Variants in CCSER1 observed in about 807,000 individuals in gnomAD.
The protein encoded by CCSER1 is coiled-coil serine rich protein 1.
In CCSER1, 41 loss-of-function variants were observed where a neutral mutation model predicts 82.0. That is an observed-to-expected ratio of 0.50 (90% CI 0.39 to 0.65). CCSER1 has a LOEUF of 0.65. CCSER1 is among the 30% of genes least tolerant of loss of function. The pLI, the probability that CCSER1 is intolerant of heterozygous loss-of-function variation, is 0.00. For synonymous variants in CCSER1, 414 were observed against 383.9 expected (o/e 1.08, Z -0.92); for missense variants, 1,119 against 1,064.2 (o/e 1.05, Z -0.72).
intron 10 of CCSER1, among the ~76,000 whole-genome samples, chr4:91,557,004 A>G (rs1762436513): frequency 6.6e-6 from 1 of 151,008 alleles, no homozygotes; most frequent in African/African-American, 2.4e-5. Context: ...CTTTATCCCT[A>G]CTGGCTCTAT....
intron 6 of CCSER1, among the ~76,000 whole-genome samples, chr4:90,665,923 C>CT (rs1356273056): frequency 6.6e-6 from 1 of 152,004 alleles, no homozygotes; most frequent in African/African-American, 2.4e-5. Context: ...AAAAGGGACT[C>CT]TGTTTCCATG....
chr4:90,458,353 C>A (rs1762446717), intron 4 of CCSER1, among the ~76,000 whole-genome samples: 1 of 150,892 alleles, frequency 6.6e-6, no homozygotes, highest in Non-Finnish European at 1.5e-5. Context: ...GAGTCTGCCA[C>A]AATAAGTTTT....
intron 5 of CCSER1, among the ~76,000 whole-genome samples, chr4:90,624,063 T>A (rs987951664): frequency 2.6e-5 from 4 of 152,216 alleles, no homozygotes; most frequent in African/African-American, 9.6e-5. Context: ...TGGAAGGCAG[T>A]TGTGTGCATA....
intron 10 of CCSER1, among the ~76,000 whole-genome samples, chr4:91,506,440 G>C (rs1216126474): frequency 6.6e-6 from 1 of 151,724 alleles, no homozygotes; most frequent in Admixed American, 6.6e-5. Context: ...GCTATTTTTT[G>C]GTTCCATATG....
rs557294813 is a variant in CCSER1, at chr4:91,450,648, C to CA, written c.2218-147923dup. Among the ~76,000 whole-genome samples the CA allele has an allele frequency of 1.1e-4, 17 of 151,938 alleles. 1 individual carries two copies. The South Asian group carries it at 2.9e-3, about 26-fold the overall frequency. On this transcript the variant is annotated intron_variant, in intron 10 of 10. Transcript: ENST00000509176. ...TCAGTTATCTCCTTCATTGAGGAGACAGAGTATTTGGGGAGTTAGTTAAGG... is the reference window on the plus strand; with the variant it reads ...TCAGTTATCTCCTTCATTGAGGAGACAAGAGTATTTGGGGAGTTAGTTAAGG...
intron 10 of CCSER1, among the ~76,000 whole-genome samples, chr4:91,216,662 C>T (rs965778066): frequency 6.6e-6 from 1 of 152,054 alleles, no homozygotes; most frequent in Non-Finnish European, 1.5e-5. Context: ...AGAGACTTTC[C>T]CTTAGCAGTC....
At chr4:91,164,844 A>T (rs963419998) in intron 10 of CCSER1, among the ~76,000 whole-genome samples, 1 of 152,068 alleles carries the variant, frequency 6.6e-6, no homozygotes, top group Non-Finnish European at 1.5e-5. Context: ...ATTATTTTCA[A>T]TGTTTTTAGC....
At chr4:90,277,062 T>C (rs1452545230) in intron 1 of CCSER1, among the ~76,000 whole-genome samples, 1 of 152,130 alleles carries the variant, frequency 6.6e-6, no homozygotes, top group Non-Finnish European at 1.5e-5. Flanking sequence ...ATAGTTTGAC[T>C]TATTTGGATG....
At chr4:90,776,434 C>G (rs1752902147) in intron 7 of CCSER1, among the ~76,000 whole-genome samples, 1 of 152,184 alleles carries the variant, frequency 6.6e-6, no homozygotes, top group Non-Finnish European at 1.5e-5. Context: ...ACAGCTCAAA[C>G]TGACCTTGTT....
intron 10 of CCSER1, among the ~76,000 whole-genome samples, chr4:91,146,478 A>G (rs1729550144): frequency 6.6e-6 from 1 of 152,182 alleles, no homozygotes; most frequent in African/African-American, 2.4e-5. Context: ...CAATTTTTGC[A>G]GGTAAGGAAT....
chr4:90,578,604 C>T (rs561896319), intron 5 of CCSER1, among the ~76,000 whole-genome samples: 1 of 152,274 alleles, frequency 6.6e-6, no homozygotes, highest in Admixed American at 6.5e-5. Flanking sequence ...TTGGACCTCT[C>T]CAATATCCAG....
intron 7 of CCSER1, among the ~76,000 whole-genome samples, chr4:90,786,946 CTT>C (rs1754597621): frequency 6.6e-6 from 1 of 152,186 alleles, no homozygotes; most frequent in African/African-American, 2.4e-5. Flanking sequence ...GTTGGATTAA[CTT>C]TCTGGAGTGG....
At chr4:90,265,093 G>A (rs1471293533) in intron 1 of CCSER1, among the ~76,000 whole-genome samples, 2 of 151,574 alleles carry the variant, frequency 1.3e-5, no homozygotes, top group Non-Finnish European at 2.9e-5. Flanking sequence ...TTAATTTTGC[G>A]AGATACAGAC....
intron 10 of CCSER1, among the ~76,000 whole-genome samples, chr4:91,141,931 C>T (rs1454470941): frequency 2.6e-5 from 4 of 152,096 alleles, no homozygotes. Flanking sequence ...TGAGAAGTGT[C>T]TGTTCATATC....
intron 3 of CCSER1, among the ~76,000 whole-genome samples, chr4:90,346,373 A>G (rs1191660169): frequency 2.1e-5 from 3 of 141,270 alleles, no homozygotes; most frequent in Non-Finnish European, 4.7e-5. Flanking sequence ...TTGCAGTAAA[A>G]TTATGGTAAT....
chr4:91,288,148 GTA>G (rs36157572), intron 10 of CCSER1, among the ~76,000 whole-genome samples: 12 of 101,738 alleles, frequency 1.2e-4, no homozygotes, highest in East Asian at 3.3e-4. Context: ...ATATACACTC[GTA>G]TATATATATA....
At position 91,603,584 on chromosome 4, in the gene CCSER1, T is replaced by C. The variant is rs527993955; in HGVS notation, c.*4527T>C. 1.1e-4 allele frequency: 16 copies of C among 152,244 alleles called. No homozygotes were observed. The highest frequency in any genetic ancestry group is 3.6e-4 in the African/African-American group (15 of 41,550). 9.4% of individuals were successfully genotyped at this position (152,244 alleles called of 1,614,324 possible). A position where few individuals can be genotyped will look rare whatever the true frequency, so the allele number is the denominator to read the frequency against. On this transcript the variant is annotated 3_prime_UTR_variant, in exon 11 of 11. Coordinates refer to ENST00000509176, the MANE Select transcript of CCSER1 (RefSeq NM_001145065.2). The stretch of plus-strand genomic sequence containing the variant: ...GGATACCACGGTTCTTTTTAGAGCA[T>C]TTTCAGTGTAGCCTCATTAACTTCT...
chr4:91,027,831 T>A (rs1561483345), intron 9 of CCSER1, among the ~76,000 whole-genome samples: 1 of 152,044 alleles, frequency 6.6e-6, no homozygotes, highest in African/African-American at 2.4e-5. Context: ...TCAATATACA[T>A]GTCAAACCAC....
intron 10 of CCSER1, among the ~76,000 whole-genome samples, chr4:91,520,871 CATTTT>C (rs1760422704): frequency 1.3e-5 from 2 of 151,954 alleles, no homozygotes; most frequent in African/African-American, 4.8e-5. Context: ...GCTCTAAGTT[CATTTT>C]ATTTTTCATT....
Sources: allele counts gnomAD v4.1 joint callset (sites outside exome capture counted in the v4.1 genomes callset), GRCh38; gene constraint gnomAD v4.1.1; transcripts MANE v1.5; gene names NCBI Gene and HGNC (gene_info 2026-07-23, HGNC 2026-07-21).